The following ADGRB3 variants were observed in gnomAD, a reference collection of about 807,000 sequenced individuals.
The protein encoded by ADGRB3 is brain-specific angiogenesis inhibitor 3.
In ADGRB3, 37 loss-of-function variants were observed where a neutral mutation model predicts 193.4. The observed-to-expected ratio is 0.19, with a 90% CI of 0.15 to 0.25. ADGRB3 has a LOEUF of 0.25. Among genes scored for constraint, ADGRB3 ranks in the 10% least tolerant of loss-of-function variants. ADGRB3 has a pLI of 1.00. For synonymous variants in ADGRB3, 690 were observed against 644.2 expected, an observed-to-expected ratio of 1.07 and a Z score of -1.08; for missense variants, 1,637 against 1,852.9, an observed-to-expected ratio of 0.88 and a Z score of 2.14.
At chr6:69,127,072 A>G (rs940451422) in intron 17 of ADGRB3, among the ~76,000 whole-genome samples, 1 of 152,182 alleles carries the variant, frequency 6.6e-6, no homozygotes, top group African/African-American at 2.4e-5. Flanking sequence ...CAAAAGTGAG[A>G]TGTTAGACTT....
chr6:68,918,795 C>CT (rs932730277), intron 3 of ADGRB3, among the ~76,000 whole-genome samples: 9 of 151,910 alleles, frequency 5.9e-5, no homozygotes, highest in Admixed American at 4.6e-4. Flanking sequence ...TGAAACCAAG[C>CT]TTTTTTTTCT....
chr6:69,009,352 T>G (rs1471391115), intron 11 of ADGRB3, among the ~76,000 whole-genome samples: 1 of 151,976 alleles, frequency 6.6e-6, no homozygotes, highest in African/African-American at 2.4e-5. Context: ...GGAAATTGCA[T>G]GTAAATCTGG....
At chr6:69,232,294 TCC>T in intron 17 of ADGRB3, 1 of 719,662 alleles carries the variant, frequency 1.4e-6, no homozygotes, top group African/African-American at 1.8e-5. Flanking sequence ...TTTTCTCTCT[TCC>T]TGTAGTGTAG....
intron 17 of ADGRB3, among the ~76,000 whole-genome samples, chr6:69,137,916 T>A (rs957029495): frequency 6.6e-6 from 1 of 152,244 alleles, no homozygotes; most frequent in Non-Finnish European, 1.5e-5. Flanking sequence ...AATGGCCTTC[T>A]TCCGTGCTGT....
intron 20 of ADGRB3, among the ~76,000 whole-genome samples, chr6:69,279,811 A>T (rs1767395464): frequency 6.6e-6 from 1 of 152,122 alleles, no homozygotes; most frequent in South Asian, 2.1e-4. Context: ...GACCGAGGAA[A>T]AACCTGTTCA....
At chr6:69,077,373 T>C (rs1043794536) in intron 17 of ADGRB3, among the ~76,000 whole-genome samples, 1 of 151,876 alleles carries the variant, frequency 6.6e-6, no homozygotes, top group Non-Finnish European at 1.5e-5. Context: ...AAGAAACATG[T>C]GCTATCTTGA....
intron 3 of ADGRB3, among the ~76,000 whole-genome samples, chr6:68,668,236 G>T (rs1768848799): frequency 6.6e-6 from 1 of 151,936 alleles, no homozygotes; most frequent in African/African-American, 2.4e-5. Context: ...TGCTTTCATG[G>T]CCATCTTTAT....
intron 3 of ADGRB3, among the ~76,000 whole-genome samples, chr6:68,804,647 C>T (rs954799280): frequency 1.3e-5 from 2 of 151,862 alleles, no homozygotes; most frequent in African/African-American, 2.4e-5. Context: ...ATCATGTGAA[C>T]CTGGAAAATA....
chr6:68,938,612 C>T (rs62418264), intron 5 of ADGRB3, among the ~76,000 whole-genome samples: 42,755 of 151,696 alleles, frequency 0.28, 6,593 homozygotes, highest in Non-Finnish European at 0.34. Flanking sequence ...AGTCACCATG[C>T]GGTATAATAG....
intron 3 of ADGRB3, among the ~76,000 whole-genome samples, chr6:68,650,692 T>C (rs76685541): frequency 6.6e-6 from 1 of 152,184 alleles, no homozygotes; most frequent in Non-Finnish European, 1.5e-5. Flanking sequence ...TATTTTTGTG[T>C]ATCTTCTTCG....
intron 3 of ADGRB3, among the ~76,000 whole-genome samples, chr6:68,713,890 C>T (rs1180231738): frequency 1.3e-5 from 2 of 151,350 alleles, no homozygotes; most frequent in Non-Finnish European, 3.0e-5. Flanking sequence ...TTATATAGAT[C>T]TTACAGATTT....
chr6:69,312,671 A>C (rs546721388), intron 20 of ADGRB3, among the ~76,000 whole-genome samples: 1 of 151,702 alleles, frequency 6.6e-6, no homozygotes, highest in Admixed American at 6.6e-5. Flanking sequence ...CCACCATGGC[A>C]GCATTACTTT....
intron 3 of ADGRB3, among the ~76,000 whole-genome samples, chr6:68,661,363 G>GTATATATATGTGTATACATA (rs1245005297): frequency 2.1e-5 from 2 of 97,100 alleles, no homozygotes; most frequent in Non-Finnish European, 1.9e-5. Flanking sequence ...GTGTGTGTGT[G>GTATATATATGTGTATACATA]TATATATATG....
intron 20 of ADGRB3, among the ~76,000 whole-genome samples, chr6:69,299,115 T>A (rs1224737787): frequency 6.6e-6 from 1 of 151,956 alleles, no homozygotes; most frequent in Non-Finnish European, 1.5e-5. Flanking sequence ...TTTTGATATG[T>A]GTTTCTCTGA....
At chr6:68,636,870 A>G (rs1281968275) in intron 1 of ADGRB3, among the ~76,000 whole-genome samples, 1 of 151,492 alleles carries the variant, frequency 6.6e-6, no homozygotes, top group African/African-American at 2.4e-5. Flanking sequence ...TTCCTAATTT[A>G]GACACTTATT....
intron 29 of ADGRB3, among the ~76,000 whole-genome samples, chr6:69,362,124 G>A (rs953082694): frequency 6.6e-6 from 1 of 151,832 alleles, no homozygotes; most frequent in African/African-American, 2.4e-5. Context: ...GAATTGTCAG[G>A]AAGAATGTAA....
chr6:68,680,502 A>G (rs1019232605), intron 3 of ADGRB3, among the ~76,000 whole-genome samples: 4 of 152,100 alleles, frequency 2.6e-5, no homozygotes, highest in Admixed American at 6.6e-5. Context: ...TGGACTCTTC[A>G]TCTATTTGAA....
chr6:68,643,995 T>C (rs546484965), intron 3 of ADGRB3, among the ~76,000 whole-genome samples: 2 of 145,684 alleles, frequency 1.4e-5, no homozygotes, highest in Non-Finnish European at 3.0e-5. Context: ...ATAAAAACAA[T>C]AAACAAACAA....
intron 3 of ADGRB3, among the ~76,000 whole-genome samples, chr6:68,762,081 T>C (rs190833385): frequency 6.6e-6 from 1 of 152,328 alleles, no homozygotes. Flanking sequence ...CCCTGAATGG[T>C]AAAACTGAAT....
Sources: gnomAD v4.1 joint callset for allele counts (sites outside exome capture counted in the v4.1 genomes callset) on GRCh38, gnomAD v4.1.1 for gene constraint, MANE v1.5 for transcripts, NCBI Gene and HGNC (gene_info 2026-07-23, HGNC 2026-07-21) for gene names.